Variants in AUTS2 observed in about 807,000 individuals in gnomAD.
The protein encoded by AUTS2 is autism susceptibility gene 2 protein.
Under a neutral mutation model 112.4 loss-of-function variants are expected in AUTS2, and 17 were observed. That is an observed-to-expected ratio of 0.15 (90% CI 0.10 to 0.23). The LOEUF (loss-of-function observed/expected upper bound fraction) is 0.23. Ranked by LOEUF, AUTS2 falls within the 10% of genes least tolerant of loss-of-function variation. The pLI, the probability that AUTS2 is intolerant of heterozygous loss-of-function variation, is 1.00. For missense variants in AUTS2, 1,510 were observed against 1,701.6 expected (o/e 0.89, Z 1.98); for synonymous variants, 751 against 702.7 (o/e 1.07, Z -1.09).
At chr7:70,546,741 T>C (rs1185139964) in intron 5 of AUTS2, among the ~76,000 whole-genome samples, 1 of 150,614 alleles carries the variant, frequency 6.6e-6, no homozygotes, top group Non-Finnish European at 1.5e-5. Context: ...ATCATGCCAC[T>C]GCACTCCAGC....
chr7:70,729,852 T>TTGTATGTA (rs56233310), intron 6 of AUTS2, among the ~76,000 whole-genome samples: 10,621 of 148,808 alleles, frequency 0.071, 616 homozygotes, highest in African/African-American at 0.15. Flanking sequence ...TGTTTGCCCA[T>TTGTATGTA]TGTATGTATG....
At chr7:69,844,975 T>C (rs1792132342) in intron 1 of AUTS2, among the ~76,000 whole-genome samples, 1 of 152,194 alleles carries the variant, frequency 6.6e-6, no homozygotes, top group Non-Finnish European at 1.5e-5. Flanking sequence ...ATAAATAAGA[T>C]GCTTTCAATT....
intron 4 of AUTS2, among the ~76,000 whole-genome samples, chr7:70,267,723 T>G (rs954191570): frequency 3.3e-5 from 5 of 152,334 alleles, no homozygotes; most frequent in East Asian, 1.9e-4. Context: ...AGACCTCTGA[T>G]GAACCTTCTA....
chr7:70,367,870 G>T (rs1360474077), intron 4 of AUTS2, among the ~76,000 whole-genome samples: 2 of 152,176 alleles, frequency 1.3e-5, no homozygotes, highest in Non-Finnish European at 2.9e-5. Flanking sequence ...TCAGGAGAAT[G>T]ATGAGAGTAG....
intron 5 of AUTS2, among the ~76,000 whole-genome samples, chr7:70,661,627 C>T (rs1322008574): frequency 2.0e-5 from 3 of 152,166 alleles, no homozygotes; most frequent in Admixed American, 1.3e-4. Flanking sequence ...ACTTTCTGTA[C>T]ATCGAATGCT....
intron 5 of AUTS2, among the ~76,000 whole-genome samples, chr7:70,692,827 C>A (rs1412336170): frequency 1.3e-5 from 2 of 150,466 alleles, no homozygotes; most frequent in East Asian, 3.9e-4. Flanking sequence ...TAGTGATAGA[C>A]ATGCAACTTC....
intron 4 of AUTS2, among the ~76,000 whole-genome samples, chr7:70,159,528 C>G (rs1006496313): frequency 6.6e-6 from 1 of 152,066 alleles, no homozygotes; most frequent in African/African-American, 2.4e-5. Context: ...AGGACGTATG[C>G]AATATAGTAG....
rs902167191 is a variant in AUTS2, at chr7:70,037,796, G to A, written c.523-80336G>A. ...TCATCTGTGTAATGATGATAGTAGC[G>A]TCCACTTCTTGTTGTTATTATAGGA... On this transcript the variant is annotated intron_variant, in intron 2 of 18. Coordinates refer to ENST00000342771, the MANE Select transcript of AUTS2 (RefSeq NM_015570.4). 5.3e-5 allele frequency among the ~76,000 whole-genome samples: 8 copies of A among 152,038 alleles called. No homozygotes were observed. The South Asian group carries it at 6.2e-4, about 12-fold the overall frequency.
chr7:70,041,564 A>G (rs140134608), intron 2 of AUTS2, among the ~76,000 whole-genome samples: 288 of 152,350 alleles, frequency 1.9e-3, no homozygotes, highest in Admixed American at 3.3e-3. Context: ...GCTTATCTGT[A>G]TACTCAAAGG....
chr7:70,644,804 CA>C (rs935344125), intron 5 of AUTS2, among the ~76,000 whole-genome samples: 7 of 152,184 alleles, frequency 4.6e-5, no homozygotes, highest in African/African-American at 1.7e-4. Flanking sequence ...ACCCTTGTGG[CA>C]TCTCACCCTT....
intron 2 of AUTS2, among the ~76,000 whole-genome samples, chr7:70,053,346 A>T (rs1801838819): frequency 6.6e-6 from 1 of 152,130 alleles, no homozygotes; most frequent in Admixed American, 6.5e-5. Flanking sequence ...GGTAATTTTA[A>T]AAAAGAATTT....
At chr7:70,354,117 T>G (rs10486875) in intron 4 of AUTS2, among the ~76,000 whole-genome samples, 66 of 152,186 alleles carry the variant, frequency 4.3e-4, no homozygotes, top group African/African-American at 1.5e-3. Flanking sequence ...TCTAGCAGAT[T>G]TAAGTTTCTC....
Position 70,386,480 on chromosome 7 carries a change from G to A in AUTS2, c.661-49272G>A, listed in dbSNP as rs191172709. ...CAACCATCACCACTATCTAATTCTA[G>A]AACATTTTCATCAACTAAAAAGAAT... On this transcript the variant is annotated intron_variant, in intron 4 of 18. Transcript: ENST00000342771. Among the ~76,000 whole-genome samples the A allele has an allele frequency of 5.0e-4, 76 of 152,144 alleles. No individual in the cohort carries two copies. In the Middle Eastern group the frequency reaches 0.01, roughly 20 times the overall value.
At chr7:70,207,458 A>T (rs936911432) in intron 4 of AUTS2, among the ~76,000 whole-genome samples, 1 of 152,204 alleles carries the variant, frequency 6.6e-6, no homozygotes, top group African/African-American at 2.4e-5. Flanking sequence ...AAAGAAATTT[A>T]TAATGTACTA....
chr7:69,754,890 A>G (rs1787885716), intron 1 of AUTS2, among the ~76,000 whole-genome samples: 1 of 152,196 alleles, frequency 6.6e-6, no homozygotes. Flanking sequence ...ATACCTGATT[A>G]CATCCAACTC....
intron 4 of AUTS2, among the ~76,000 whole-genome samples, chr7:70,393,141 A>G (rs534286621): frequency 2.8e-4 from 42 of 152,288 alleles, no homozygotes; most frequent in Non-Finnish European, 5.0e-4. Flanking sequence ...TGGGGTGTGC[A>G]TTTGCACAGC....
At chr7:70,336,571 A>G (rs951421462) in intron 4 of AUTS2, among the ~76,000 whole-genome samples, 4 of 152,166 alleles carry the variant, frequency 2.6e-5, no homozygotes, top group African/African-American at 9.7e-5. Context: ...TTTTAGCTTT[A>G]TGTTTTGCAC....
At chr7:70,122,130 T>C (rs1432100171) in intron 3 of AUTS2, among the ~76,000 whole-genome samples, 1 of 152,152 alleles carries the variant, frequency 6.6e-6, no homozygotes, top group African/African-American at 2.4e-5. Flanking sequence ...GTATCTAGAA[T>C]AGGCAAATTC....
chr7:70,665,262 CT>C (rs1377776281), intron 5 of AUTS2, among the ~76,000 whole-genome samples: 2 of 151,624 alleles, frequency 1.3e-5, no homozygotes, highest in African/African-American at 4.8e-5. Context: ...AAATGCAGAT[CT>C]TTTTTTTCTT....
Sources: allele counts gnomAD v4.1 joint callset (sites outside exome capture counted in the v4.1 genomes callset), GRCh38; gene constraint gnomAD v4.1.1; transcripts MANE v1.5; gene names NCBI Gene and HGNC (gene_info 2026-07-23, HGNC 2026-07-21).